The following LRRN2 variants were observed in gnomAD, a reference collection of about 807,000 sequenced individuals.
The protein encoded by LRRN2 is leucine rich repeat neuronal 2, also known as leucine-rich repeat neuronal protein 2.
In LRRN2, 10 loss-of-function variants were observed where a neutral mutation model predicts 35.7. That is an observed-to-expected ratio of 0.28 (90% CI 0.17 to 0.47). The LOEUF (loss-of-function observed/expected upper bound fraction) is 0.47, where lower values mean the gene tolerates loss of function less well. LRRN2 is among the 20% of genes least tolerant of loss of function. The pLI is 0.99. For synonymous variants in LRRN2, 391 were observed against 409.6 expected (o/e 0.95, Z 0.55); for missense variants, 731 against 940.3 (o/e 0.78, Z 2.91).
At chr1:204,679,677 C>T (rs1348854742) in intron 1 of LRRN2, among the ~76,000 whole-genome samples, 1 of 152,242 alleles carries the variant, frequency 6.6e-6, no homozygotes, top group East Asian at 1.9e-4. Flanking sequence ...CCATCTCTCT[C>T]CACCTTATCT....
rs759826575 is a variant in LRRN2, at chr1:204,619,228, C to G, written c.765G>C (p.Arg255=). 2 of 1,614,084 alleles carry G rather than the reference C, an allele frequency of 1.2e-6. No individual in the cohort carries two copies. The highest frequency in any genetic ancestry group is 3.3e-5 in the Admixed American group (2 of 60,028). The part of the protein sequence containing the change: ...YDNQLARVPR[R]ALEQVPGLKF... ...TGAGCCCGGGCACCTGTTCCAGTGC[C>G]CGCCTGGGCACCCGGGCCAGCTGGT... The change falls in exon 2 of 2, where the codon CGG becomes CGC. Residue 255 remains arginine (R), a synonymous_variant. Coordinates refer to ENST00000367177, the MANE Select transcript of LRRN2 (RefSeq NM_201630.2).
intron 1 of LRRN2, among the ~76,000 whole-genome samples, chr1:204,636,793 T>C (rs904552308): frequency 6.6e-6 from 1 of 152,152 alleles, no homozygotes; most frequent in African/African-American, 2.4e-5. Flanking sequence ...AATATATTGA[T>C]GCCTACCTCC....
chr1:204,632,344 A>G (rs1667725862), intron 1 of LRRN2, among the ~76,000 whole-genome samples: 1 of 150,976 alleles, frequency 6.6e-6, no homozygotes, highest in East Asian at 2.0e-4. Context: ...AAATTCTTCC[A>G]TATTGGCCGG....
rs139539938 is a variant in LRRN2 at position 204,639,602 on chromosome 1, G to A, written c.-226-19384C>T. On this transcript the variant is annotated intron_variant, in intron 1 of 1. Coordinates refer to ENST00000367177, the MANE Select transcript of LRRN2 (RefSeq NM_201630.2). The stretch of plus-strand genomic sequence containing the variant: ...TATAGTGAGCTAAGAATGCACCATC[G>A]CACTCCAAGCTTGGGTGACAGAAGG... Among the ~76,000 whole-genome samples, 70 of 152,282 alleles carry A rather than the reference G, an allele frequency of 4.6e-4. 2 individuals are homozygous for A. In the East Asian group the frequency reaches 0.011, roughly 23 times the overall value.
chr1:204,628,031 G>C (rs1456494133), intron 1 of LRRN2: 2 of 152,194 alleles, frequency 1.3e-5, no homozygotes, highest in Non-Finnish European at 2.9e-5. Flanking sequence ...AGCTCAGGTG[G>C]CTCCATTGCC....
At chr1:204,667,045 C>T (rs900302076) in intron 1 of LRRN2, among the ~76,000 whole-genome samples, 1 of 145,512 alleles carries the variant, frequency 6.9e-6, no homozygotes, top group Non-Finnish European at 1.5e-5. Flanking sequence ...TGTGAAACAA[C>T]ATAATTATAG....
At chr1:204,632,531 A>G (rs1212230842) in intron 1 of LRRN2, among the ~76,000 whole-genome samples, 1 of 151,296 alleles carries the variant, frequency 6.6e-6, no homozygotes, top group East Asian at 2.0e-4. Context: ...CAGGAGGCTG[A>G]GGCAAGAGAA....
At chr1:204,672,979 C>T (rs1668745112) in intron 1 of LRRN2, among the ~76,000 whole-genome samples, 1 of 152,178 alleles carries the variant, frequency 6.6e-6, no homozygotes, top group Non-Finnish European at 1.5e-5. Flanking sequence ...CTCTTAGGGC[C>T]AGCCACTTCT....
chr1:204,661,558 A>C (rs1413762061), intron 1 of LRRN2, among the ~76,000 whole-genome samples: 1 of 152,122 alleles, frequency 6.6e-6, no homozygotes, highest in Non-Finnish European at 1.5e-5. Context: ...TGCTGTCGGG[A>C]ATCTGCATCT....
chr1:204,633,405 T>C (rs1272285054), intron 1 of LRRN2, among the ~76,000 whole-genome samples: 1 of 152,182 alleles, frequency 6.6e-6, no homozygotes, highest in African/African-American at 2.4e-5. Context: ...AAGTGACTTG[T>C]CCAAGATCAC....
Position 204,619,511 on chromosome 1 carries a change from A to G in LRRN2, c.482T>C (p.Phe161Ser). Residue 161 changes from phenylalanine (F) to serine (S), a missense_variant, in exon 2 of 2, where the codon TTT (phenylalanine) becomes TCT (serine). Transcript: ENST00000367177. ...NQLYRIAPRA[F>S]SGLSNLLRLH... ...CCGCAGCAAGTTGCTGAGGCCAGAA[A>G]AGGCCCTGGGGGCGATGCGGTAGAG... 6.2e-7 allele frequency: 1 copy of G among 1,614,230 alleles called. No homozygotes were observed. Among genetic ancestry groups the G allele is most frequent in the Non-Finnish European group, 8.5e-7 (1 of 1,180,040 alleles).
chr1:204,639,108 A>G (rs764276452), intron 1 of LRRN2, among the ~76,000 whole-genome samples: 23 of 152,072 alleles, frequency 1.5e-4, no homozygotes, highest in African/African-American at 5.1e-4. Flanking sequence ...GGCTCTCTCA[A>G]CCTCCCTAGC....
chr1:204,619,458 C>A lies in LRRN2; in HGVS notation c.535G>T (p.Ala179Ser), dbSNP rs1666676430. The A allele has an allele frequency of 6.2e-7, 1 of 1,614,120 alleles. No individual in the cohort carries two copies. The highest frequency in any genetic ancestry group is 1.7e-5 in the Admixed American group (1 of 60,010). The change falls in exon 2 of 2, where the codon GCC (alanine) becomes TCC (serine). Residue 179 changes from alanine to serine, a missense_variant. Transcript: ENST00000367177. ...RLHLNSNLLR[A>S]IDSRWFEMLP... ...ATTTCAAACCAGCGGCTGTCAATGGCCCTCAGGAGGTTGGAGTTGAGGTGC... is the reference window on the plus strand; with the variant it reads ...ATTTCAAACCAGCGGCTGTCAATGGACCTCAGGAGGTTGGAGTTGAGGTGC...
chr1:204,659,236 C>T lies in LRRN2; in HGVS notation c.-227+26084G>A, dbSNP rs374422789. Among the ~76,000 whole-genome samples, 3 of 152,340 alleles carry T rather than the reference C, an allele frequency of 2.0e-5. No individual in the cohort carries two copies. In the East Asian group the frequency reaches 5.8e-4, roughly 29 times the overall value. On this transcript the variant is annotated intron_variant, in intron 1 of 1. Coordinates refer to ENST00000367177, the MANE Select transcript of LRRN2 (RefSeq NM_201630.2). Reference sequence around the variant, plus strand: ...ATCCCTTGAGAATGTCAAGGGCCTACTGTACCTCTGTCACTATGGAAACTA... The same window carrying T: ...ATCCCTTGAGAATGTCAAGGGCCTATTGTACCTCTGTCACTATGGAAACTA...
chr1:204,670,006 GT>G (rs1042438499), intron 1 of LRRN2, among the ~76,000 whole-genome samples: 20 of 138,652 alleles, frequency 1.4e-4, no homozygotes, highest in African/African-American at 3.4e-4. Context: ...ATTTCCACTC[GT>G]TTTTTTTTTT....
intron 1 of LRRN2, among the ~76,000 whole-genome samples, chr1:204,665,173 GAAAGAAAAAA>G (rs912143271): frequency 1.3e-5 from 2 of 150,412 alleles, no homozygotes; most frequent in Middle Eastern, 3.2e-3. Context: ...AGATGGACGT[GAAAGAAAAAA>G]AAAGAAAAAA....
At position 204,617,644 on chromosome 1, in the gene LRRN2, G is replaced by C. The variant is rs1008807618; in HGVS notation, c.*207C>G. ...GGAGATGTTCCTCAGAATGGCAGCA[G>C]AGGTGACCCTAGGAGGTAAGGGCAA... On this transcript the variant is annotated 3_prime_UTR_variant, in exon 2 of 2. Coordinates refer to ENST00000367177, the MANE Select transcript of LRRN2 (RefSeq NM_201630.2). The C allele has an allele frequency of 3.4e-6, 2 of 594,744 alleles. No individual in the cohort carries two copies. The highest frequency in any genetic ancestry group is 6.0e-6 in the Non-Finnish European group (2 of 335,054). The allele number at this position is 594,744 out of a possible 1,614,324, so 36.8% of individuals were successfully genotyped here.
intron 1 of LRRN2, among the ~76,000 whole-genome samples, chr1:204,666,868 C>G (rs186380998): frequency 6.8e-6 from 1 of 146,294 alleles, no homozygotes; most frequent in Non-Finnish European, 1.5e-5. Flanking sequence ...AGGCTGAGGC[C>G]GGAGAATTGC....
chr1:204,648,856 C>T (rs963805059), intron 1 of LRRN2, among the ~76,000 whole-genome samples: 1 of 152,158 alleles, frequency 6.6e-6, no homozygotes, highest in African/African-American at 2.4e-5. Context: ...ACTGAGATTA[C>T]CCAGTGGTGG....
Sources: gnomAD v4.1 joint callset for allele counts (sites outside exome capture counted in the v4.1 genomes callset) on GRCh38, gnomAD v4.1.1 for gene constraint, MANE v1.5 for transcripts, NCBI Gene and HGNC (gene_info 2026-07-23, HGNC 2026-07-21) for gene names.